Variants in LRMDA observed in about 807,000 individuals in gnomAD.
The protein encoded by LRMDA is leucine rich melanocyte differentiation associated.
LRMDA carries 18 observed loss-of-function variants against 29.8 expected under a neutral mutation model. The observed-to-expected ratio is 0.60, with a 90% CI of 0.42 to 0.90. The LOEUF (loss-of-function observed/expected upper bound fraction) is 0.90. Among genes scored for constraint, LRMDA ranks in the 40% least tolerant of loss-of-function variants. The pLI is 0.00. For synonymous variants in LRMDA, 125 were observed against 109.4 expected, an observed-to-expected ratio of 1.14 and a Z score of -0.89; for missense variants, 273 against 273.9, an observed-to-expected ratio of 1.00 and a Z score of 0.02.
intron 2 of LRMDA, among the ~76,000 whole-genome samples, chr10:76,035,360 T>C (rs1848223495): frequency 6.6e-6 from 1 of 151,984 alleles, no homozygotes; most frequent in Non-Finnish European, 1.5e-5. Context: ...ATTATGTAAT[T>C]CTGCAGATGC....
At position 75,632,544 on chromosome 10, in the gene LRMDA, T is replaced by C. The variant is rs1284866331; in HGVS notation, c.131+194050T>C. Among the ~76,000 whole-genome samples, 18 of 152,202 alleles carry C rather than the reference T, an allele frequency of 1.2e-4. No homozygotes were observed. The South Asian group carries it at 3.7e-3, about 32-fold the overall frequency. On this transcript the variant is annotated intron_variant, in intron 2 of 6. Transcript: ENST00000611255. The stretch of plus-strand genomic sequence containing the variant: ...TTAGAAAGTTTAGCGTTTAGAGAAA[T>C]ATTTTAATATTTTATCTAAGCTTGC...
At chr10:76,174,811 G>A (rs1274533795) in intron 5 of LRMDA, among the ~76,000 whole-genome samples, 1 of 152,162 alleles carries the variant, frequency 6.6e-6, no homozygotes, top group East Asian at 1.9e-4. Flanking sequence ...TAATGTTTCT[G>A]AGCTTTAGAG....
chr10:75,862,178 TCACA>T (rs3042514), intron 2 of LRMDA, among the ~76,000 whole-genome samples: 851 of 147,648 alleles, frequency 5.8e-3, no homozygotes, highest in Middle Eastern at 7.0e-3. Context: ...AACCTTGGGT[TCACA>T]CACACACACA....
intron 2 of LRMDA, among the ~76,000 whole-genome samples, chr10:75,825,226 A>C (rs896079880): frequency 1.4e-5 from 2 of 147,228 alleles, no homozygotes; most frequent in African/African-American, 4.9e-5. Context: ...ATCTCTTCCC[A>C]CTTTCTTCTC....
At chr10:76,146,870 G>A (rs1475862152) in intron 5 of LRMDA, among the ~76,000 whole-genome samples, 1 of 151,838 alleles carries the variant, frequency 6.6e-6, no homozygotes, top group Admixed American at 6.6e-5. Flanking sequence ...AGCTCATTTA[G>A]GGCAGGCCTG....
At chr10:75,646,224 C>T (rs376356387) in intron 2 of LRMDA, among the ~76,000 whole-genome samples, 7 of 152,150 alleles carry the variant, frequency 4.6e-5, no homozygotes, top group South Asian at 2.1e-4. Context: ...AGTTGTCAGA[C>T]GGTGATGGAT....
chr10:75,741,666 C>T (rs1312510865), intron 2 of LRMDA, among the ~76,000 whole-genome samples: 1 of 152,162 alleles, frequency 6.6e-6, no homozygotes, highest in South Asian at 2.1e-4. Context: ...AGAGCAACCG[C>T]GTTCTTAATC....
intron 5 of LRMDA, among the ~76,000 whole-genome samples, chr10:76,168,693 C>G (rs1052272910): frequency 6.6e-6 from 1 of 151,454 alleles, no homozygotes; most frequent in Non-Finnish European, 1.5e-5. Context: ...GTAGATGAAA[C>G]TGTATGATGA....
chr10:75,536,885 C>T (rs952902316), intron 2 of LRMDA, among the ~76,000 whole-genome samples: 1 of 152,034 alleles, frequency 6.6e-6, no homozygotes, highest in African/African-American at 2.4e-5. Context: ...GATCTAGGAT[C>T]AGGCTTGCTT....
chr10:75,883,190 G>A (rs1589239976), intron 2 of LRMDA: 1 of 152,244 alleles, frequency 6.6e-6, no homozygotes, highest in Non-Finnish European at 1.5e-5. Context: ...CCGATTAGCA[G>A]TAAAACCATC....
At chr10:75,721,657 C>T (rs1239364431) in intron 2 of LRMDA, among the ~76,000 whole-genome samples, 1 of 152,158 alleles carries the variant, frequency 6.6e-6, no homozygotes, top group Non-Finnish European at 1.5e-5. Context: ...AGCTCCATTC[C>T]ATTATGCACA....
At chr10:75,584,447 G>A (rs1840633284) in intron 2 of LRMDA, among the ~76,000 whole-genome samples, 1 of 152,118 alleles carries the variant, frequency 6.6e-6, no homozygotes, top group Admixed American at 6.6e-5. Flanking sequence ...TTCAGGAAAG[G>A]AATTATGTTT....
At chr10:75,464,287 A>G (rs1844625854) in intron 2 of LRMDA, among the ~76,000 whole-genome samples, 1 of 152,208 alleles carries the variant, frequency 6.6e-6, no homozygotes, top group Admixed American at 6.5e-5. Flanking sequence ...TGTTGTGCAC[A>G]TGTGCTCACT....
chr10:75,801,760 G>A (rs1843746595), intron 2 of LRMDA, among the ~76,000 whole-genome samples: 1 of 152,188 alleles, frequency 6.6e-6, no homozygotes, highest in African/African-American at 2.4e-5. Context: ...ATAAGGAGCT[G>A]TCGAATGGCT....
At chr10:76,109,742 A>C (rs1849545868) in intron 5 of LRMDA, among the ~76,000 whole-genome samples, 2 of 152,096 alleles carry the variant, frequency 1.3e-5, no homozygotes, top group African/African-American at 4.8e-5. Context: ...AATCCAATGG[A>C]CCTCTCAGTG....
At chr10:75,493,411 G>C (rs1185505964) in intron 2 of LRMDA, among the ~76,000 whole-genome samples, 1 of 149,452 alleles carries the variant, frequency 6.7e-6, no homozygotes, top group Non-Finnish European at 1.5e-5. Flanking sequence ...ATCAGAGTGG[G>C]AAAATGGCAT....
chr10:76,336,547 G>C (rs1466484791), intron 6 of LRMDA, among the ~76,000 whole-genome samples: 5 of 152,154 alleles, frequency 3.3e-5, no homozygotes, highest in Non-Finnish European at 7.4e-5. Context: ...CTGTTCCAGG[G>C]CAAATGTTTC....
intron 2 of LRMDA, among the ~76,000 whole-genome samples, chr10:75,442,515 C>T (rs1459056876): frequency 6.6e-6 from 1 of 152,168 alleles, no homozygotes; most frequent in Non-Finnish European, 1.5e-5. Context: ...AGAGACTGTT[C>T]TTTCCCCTTT....
intron 2 of LRMDA, among the ~76,000 whole-genome samples, chr10:75,957,424 G>C (rs770001002): frequency 1.3e-5 from 2 of 152,232 alleles, no homozygotes; most frequent in African/African-American, 4.8e-5. Flanking sequence ...TGAGTACCGA[G>C]GCATTGCAGA....
Sources: allele counts gnomAD v4.1 joint callset (sites outside exome capture counted in the v4.1 genomes callset), GRCh38; gene constraint gnomAD v4.1.1; transcripts MANE v1.5; gene names NCBI Gene and HGNC (gene_info 2026-07-23, HGNC 2026-07-21).